ARHGAP32: variants seen among roughly 807,000 people sequenced by gnomAD.
ARHGAP32 encodes rho GTPase-activating protein 32.
A neutral mutation model predicts 186.5 loss-of-function variants in ARHGAP32; 51 were observed. The ratio of observed to expected loss-of-function variants is 0.27; its 90% CI spans 0.22 to 0.35. The LOEUF is 0.35. Ranked by LOEUF, ARHGAP32 falls within the 10% of genes least tolerant of loss-of-function variation. ARHGAP32 has a pLI of 1.00. For missense variants in ARHGAP32, 2,186 were observed against 2,623.5 expected (o/e 0.83, Z 3.64); for synonymous variants, 950 against 964.3 (o/e 0.99, Z 0.27).
chr11:129,230,683 G>A (rs1004143229), intron 1 of ARHGAP32, among the ~76,000 whole-genome samples: 2 of 152,068 alleles, frequency 1.3e-5, no homozygotes, highest in Non-Finnish European at 2.9e-5. Context: ...CAATAAGTAT[G>A]TGCCTGAGAG....
chr11:128,998,282 GA>G (rs753183485), intron 12 of ARHGAP32, 36 bp downstream of exon 12: 2 of 1,476,182 alleles, frequency 1.4e-6, no homozygotes, highest in South Asian at 3.2e-5. Context: ...GGAGAGGTCA[GA>G]AACTCAGAGT....
intron 6 of ARHGAP32, among the ~76,000 whole-genome samples, chr11:129,079,833 C>T (rs1941168810): frequency 6.6e-6 from 1 of 152,134 alleles, no homozygotes; most frequent in Non-Finnish European, 1.5e-5. Flanking sequence ...AATTCACCAA[C>T]CAAGTATCTG....
intron 11 of ARHGAP32, among the ~76,000 whole-genome samples, chr11:129,015,022 G>T (rs540302962): frequency 2.6e-5 from 4 of 152,028 alleles, no homozygotes; most frequent in Non-Finnish European, 4.4e-5. Context: ...TATGAAGAAA[G>T]AATTTTTCTC....
intron 11 of ARHGAP32, among the ~76,000 whole-genome samples, chr11:129,013,389 T>A (rs1938184774): frequency 6.6e-6 from 1 of 152,214 alleles, no homozygotes; most frequent in Admixed American, 6.5e-5. Context: ...CTTGCCCATC[T>A]ACATCCCAAT....
At chr11:129,017,193 T>C (rs535663686) in intron 11 of ARHGAP32, among the ~76,000 whole-genome samples, 20 of 152,240 alleles carry the variant, frequency 1.3e-4, no homozygotes, top group Non-Finnish European at 1.9e-4. Flanking sequence ...TGGTGGCTCA[T>C]GCCTGTAATC....
rs557408842 is a variant in ARHGAP32 at position 129,095,124 on chromosome 11, A to T, written c.445-1417T>A. On this transcript the variant is annotated intron_variant, in intron 5 of 22. Transcript: ENST00000682385. ...AATCATTTTCCCATTAGCCCAAAAA[A>T]GCCAGGTTAATGATAAAAGCATAGT... Among the ~76,000 whole-genome samples, 6 of 152,364 alleles carry T rather than the reference A, an allele frequency of 3.9e-5. No individual in the cohort carries two copies. The East Asian group carries it at 9.6e-4, about 24-fold the overall frequency.
chr11:129,136,612 T>G (rs1291489430), intron 2 of ARHGAP32, among the ~76,000 whole-genome samples: 2 of 152,058 alleles, frequency 1.3e-5, no homozygotes, highest in African/African-American at 4.8e-5. Context: ...CTAAATAGAA[T>G]AATAAATCAA....
chr11:129,236,704 G>T (rs1012350805), intron 1 of ARHGAP32, among the ~76,000 whole-genome samples: 1 of 152,132 alleles, frequency 6.6e-6, no homozygotes, highest in African/African-American at 2.4e-5. Context: ...AGCTAACAGG[G>T]ACAGTTTGAC....
chr11:129,169,262 A>T (rs563532523), intron 1 of ARHGAP32, among the ~76,000 whole-genome samples: 140 of 152,276 alleles, frequency 9.2e-4, no homozygotes, highest in African/African-American at 3.3e-3. Context: ...AAGTCTGACC[A>T]ATAAAAAAAT....
chr11:129,009,134 G>T (rs1937942056), intron 11 of ARHGAP32, among the ~76,000 whole-genome samples: 1 of 152,138 alleles, frequency 6.6e-6, no homozygotes, highest in Admixed American at 6.5e-5. Flanking sequence ...TACATGGAAA[G>T]AGTATGTCAT....
intron 11 of ARHGAP32, among the ~76,000 whole-genome samples, chr11:129,020,726 A>G (rs937376864): frequency 3.3e-5 from 5 of 152,196 alleles, no homozygotes; most frequent in Middle Eastern, 3.4e-3. Flanking sequence ...AATCAGGAAT[A>G]TAACAGTTTT....
intron 11 of ARHGAP32, among the ~76,000 whole-genome samples, chr11:129,019,864 G>A (rs370631791): frequency 1.3e-5 from 2 of 152,162 alleles, no homozygotes; most frequent in South Asian, 4.1e-4. Context: ...CATTGGCTAA[G>A]GTATGTGCTA....
intron 5 of ARHGAP32, among the ~76,000 whole-genome samples, chr11:129,110,704 G>A (rs545305343): frequency 3.9e-5 from 6 of 151,900 alleles, no homozygotes; most frequent in Non-Finnish European, 5.9e-5. Context: ...TTGTAAATAC[G>A]ATTGCCTTCT....
intron 1 of ARHGAP32, among the ~76,000 whole-genome samples, chr11:129,227,192 T>C (rs370865803): frequency 7.2e-5 from 11 of 152,000 alleles, no homozygotes; most frequent in African/African-American, 2.7e-4. Context: ...TAATTCAAAC[T>C]AGAGTGTTAT....
intron 5 of ARHGAP32, among the ~76,000 whole-genome samples, chr11:129,109,482 T>C (rs1942144611): frequency 6.6e-6 from 1 of 152,116 alleles, no homozygotes; most frequent in Admixed American, 6.5e-5. Flanking sequence ...CTTTTTTAGT[T>C]TTTTGAGAAA....
At chr11:129,225,907 T>C (rs1472534624) in intron 1 of ARHGAP32, among the ~76,000 whole-genome samples, 3 of 152,092 alleles carry the variant, frequency 2.0e-5, no homozygotes, top group Admixed American at 2.0e-4. Flanking sequence ...ATAGAGAATA[T>C]TTTTAAAAAG....
At chr11:129,102,618 A>G (rs1159032165) in intron 5 of ARHGAP32, among the ~76,000 whole-genome samples, 1 of 152,226 alleles carries the variant, frequency 6.6e-6, no homozygotes, top group Admixed American at 6.5e-5. Flanking sequence ...AAGATGTTCA[A>G]AATCACTAAT....
At chr11:128,971,183 G>A in intron 22 of ARHGAP32, 24 bp from the exon 23 acceptor site, 2 of 1,563,226 alleles carry the variant, frequency 1.3e-6, no homozygotes, top group Non-Finnish European at 1.7e-6. Context: ...ATAATACTAT[G>A]GGTCTATTTT....
rs142767782 is a variant in ARHGAP32, at chr11:129,007,057, T to C, written c.1046-8589A>G. On this transcript the variant is annotated intron_variant, in intron 11 of 22. Coordinates refer to ENST00000682385, the MANE Select transcript of ARHGAP32 (RefSeq NM_001378024.1). ...CTGCCAGGTTACCATTGATGTTCACTTAAGGCCCAAAGGCTCTTGTCAGCT... is the reference window on the plus strand; with the variant it reads ...CTGCCAGGTTACCATTGATGTTCACCTAAGGCCCAAAGGCTCTTGTCAGCT... Among the ~76,000 whole-genome samples the C allele has an allele frequency of 1.8e-4, 28 of 152,218 alleles. No homozygotes were observed. The East Asian group carries it at 5.4e-3, about 29-fold the overall frequency.
Sources: gnomAD v4.1 joint callset for allele counts (sites outside exome capture counted in the v4.1 genomes callset) on GRCh38, gnomAD v4.1.1 for gene constraint, MANE v1.5 for transcripts, NCBI Gene and HGNC (gene_info 2026-07-23, HGNC 2026-07-21) for gene names.